Variants in ANO6 observed in about 807,000 individuals in gnomAD.
ANO6 encodes anoctamin 6.
In ANO6, 106 loss-of-function variants were observed where a neutral mutation model predicts 117.5. The ratio of observed to expected loss-of-function variants is 0.90; its 90% CI spans 0.77 to 1.06. The LOEUF (loss-of-function observed/expected upper bound fraction) is 1.06. ANO6 is among the 50% of genes least tolerant of loss of function. The pLI is 0.00. For synonymous variants in ANO6, 367 were observed against 385.1 expected, an observed-to-expected ratio of 0.95 and a Z score of 0.55; for missense variants, 955 against 1,121.1, an observed-to-expected ratio of 0.85 and a Z score of 2.12.
In ANO6 at chr12:45,328,716, A is replaced by G. The variant is rs540935720; in HGVS notation, c.151-2579A>G. Among the ~76,000 whole-genome samples the G allele has an allele frequency of 1.4e-4, 21 of 152,266 alleles. No individual in the cohort carries two copies. The South Asian group carries it at 4.4e-3, about 32-fold the overall frequency. On this transcript the variant is annotated intron_variant, in intron 2 of 19. Coordinates refer to ENST00000320560, the MANE Select transcript of ANO6 (RefSeq NM_001025356.3). ...GATTCACAATTTACTGAAAAATAGA[A>G]GATTCCATATTTTTACTTTAGTAGT...
chr12:45,340,066 A>G (rs1363342163), intron 3 of ANO6, among the ~76,000 whole-genome samples: 1 of 152,168 alleles, frequency 6.6e-6, no homozygotes, highest in African/African-American at 2.4e-5. Flanking sequence ...ATTACTGTGT[A>G]ATTCGCAAGT....
intron 9 of ANO6, among the ~76,000 whole-genome samples, chr12:45,371,980 G>C (rs1205829845): frequency 1.3e-5 from 2 of 152,012 alleles, no homozygotes; most frequent in African/African-American, 2.4e-5. Flanking sequence ...TTAGAAGAAT[G>C]TATAACTAGA....
intron 9 of ANO6, among the ~76,000 whole-genome samples, chr12:45,372,148 G>A (rs535891531): frequency 6.6e-6 from 1 of 152,236 alleles, no homozygotes; most frequent in Non-Finnish European, 1.5e-5. Flanking sequence ...AAAGGAGAAG[G>A]GAAGTTTAGA....
At chr12:45,324,988 A>C (rs1940410920) in intron 2 of ANO6, among the ~76,000 whole-genome samples, 1 of 152,212 alleles carries the variant, frequency 6.6e-6, no homozygotes. Context: ...GTGAGTCGTG[A>C]CCAGTTTTGT....
chr12:45,247,016 C>T (rs896562617), intron 1 of ANO6, among the ~76,000 whole-genome samples: 3 of 152,172 alleles, frequency 2.0e-5, no homozygotes, highest in Non-Finnish European at 2.9e-5. Flanking sequence ...ACTGCACCCT[C>T]CGCCTCCTGG....
intron 19 of ANO6, among the ~76,000 whole-genome samples, chr12:45,438,246 CGTGTATGT>C (rs199923139): frequency 0.016 from 1,970 of 125,378 alleles, 33 homozygotes; most frequent in African/African-American, 0.051. Context: ...CACATATTTG[CGTGTATGT>C]GTGTGTGTGT....
chr12:45,424,270 T>C (rs932181198), intron 19 of ANO6, among the ~76,000 whole-genome samples: 3 of 150,774 alleles, frequency 2.0e-5, no homozygotes, highest in African/African-American at 7.3e-5. Flanking sequence ...TCCTTTGCAT[T>C]GCTGAGCCCA....
chr12:45,251,709 G>C (rs1937632243), intron 1 of ANO6, among the ~76,000 whole-genome samples: 1 of 152,196 alleles, frequency 6.6e-6, no homozygotes, highest in South Asian at 2.1e-4. Flanking sequence ...CTAGATTCAG[G>C]GGGAGGGGCC....
chr12:45,325,510 A>G (rs1477741791), intron 2 of ANO6, among the ~76,000 whole-genome samples: 1 of 152,154 alleles, frequency 6.6e-6, no homozygotes, highest in Admixed American at 6.6e-5. Flanking sequence ...TATTATATCT[A>G]TCTTTTGTAA....
At chr12:45,226,985 T>C (rs1206590013) in intron 1 of ANO6, among the ~76,000 whole-genome samples, 6 of 114,134 alleles carry the variant, frequency 5.3e-5, no homozygotes, top group African/African-American at 1.1e-4. Context: ...TATCATTTTC[T>C]TTTTTTTTTT....
At chr12:45,222,184 C>G (rs546595864) in intron 1 of ANO6, among the ~76,000 whole-genome samples, 403 of 142,776 alleles carry the variant, frequency 2.8e-3, no homozygotes, top group African/African-American at 9.6e-3. Context: ...CCCGGCCCCC[C>G]CACTCCAGCT....
intron 12 of ANO6, among the ~76,000 whole-genome samples, chr12:45,397,953 G>A (rs551108539): frequency 1.4e-5 from 2 of 144,812 alleles, no homozygotes; most frequent in South Asian, 4.7e-4. Flanking sequence ...TGCACGTTGT[G>A]CACGTGTACC....
At chr12:45,267,281 C>T (rs966027479) in intron 1 of ANO6, among the ~76,000 whole-genome samples, 12 of 152,154 alleles carry the variant, frequency 7.9e-5, no homozygotes, top group African/African-American at 2.9e-4. Flanking sequence ...CCTCTGTGGG[C>T]ATGCACTCTG....
intron 2 of ANO6, among the ~76,000 whole-genome samples, chr12:45,320,569 G>T (rs1476092040): frequency 6.6e-6 from 1 of 152,190 alleles, no homozygotes; most frequent in Non-Finnish European, 1.5e-5. Flanking sequence ...TAGGTGCGGT[G>T]TGGTGCTGAG....
At chr12:45,245,964 A>T (rs1006009378) in intron 1 of ANO6, among the ~76,000 whole-genome samples, 2 of 150,316 alleles carry the variant, frequency 1.3e-5, no homozygotes, top group African/African-American at 4.9e-5. Context: ...AAAAAAACCC[A>T]AGAACATTAT....
chr12:45,419,906 A>G (rs2137695728), intron 17 of ANO6, among the ~76,000 whole-genome samples: 1 of 151,656 alleles, frequency 6.6e-6, no homozygotes, highest in African/African-American at 2.4e-5. Flanking sequence ...TTATCTAGGA[A>G]CATACTAAAT....
rs1178043024 is a variant in ANO6, at chr12:45,350,794, A to G, written c.863+20A>G. The G allele has an allele frequency of 1.9e-6, 3 of 1,593,442 alleles. No homozygotes were observed. Among genetic ancestry groups the G allele is most frequent in the African/African-American group, 1.3e-5 (1 of 74,428 alleles). Reference sequence around the variant, plus strand: ...TATCAGGTGAGGGGTTGTAGGGAGTACTCCAGGGGGAGGCACTCAGGGTGT... The same window carrying G: ...TATCAGGTGAGGGGTTGTAGGGAGTGCTCCAGGGGGAGGCACTCAGGGTGT... On this transcript the variant is annotated intron_variant, in intron 7 of 19. Coordinates refer to ENST00000320560, the MANE Select transcript of ANO6 (RefSeq NM_001025356.3).
At chr12:45,241,033 G>T (rs1177470537) in intron 1 of ANO6, among the ~76,000 whole-genome samples, 2 of 152,080 alleles carry the variant, frequency 1.3e-5, no homozygotes, top group Non-Finnish European at 2.9e-5. Flanking sequence ...GTGTCTTGAG[G>T]TTGCTCTTCT....
At chr12:45,273,764 T>G (rs1041748247) in intron 1 of ANO6, among the ~76,000 whole-genome samples, 2 of 152,230 alleles carry the variant, frequency 1.3e-5, no homozygotes, top group African/African-American at 4.8e-5. Flanking sequence ...TCTCTTCTGT[T>G]GCTTCCTGGG....
Sources: gnomAD v4.1 joint callset for allele counts (sites outside exome capture counted in the v4.1 genomes callset) on GRCh38, gnomAD v4.1.1 for gene constraint, MANE v1.5 for transcripts, NCBI Gene and HGNC (gene_info 2026-07-23, HGNC 2026-07-21) for gene names.